Variants in FAM177A1 observed in about 807,000 individuals in gnomAD.
FAM177A1 encodes the protein protein FAM177A1.
Under a neutral mutation model 26.1 loss-of-function variants are expected in FAM177A1, and 22 were observed. The observed-to-expected ratio is 0.84, with a 90% CI of 0.60 to 1.20. The LOEUF (loss-of-function observed/expected upper bound fraction) is 1.20, where lower values mean the gene tolerates loss of function less well. Ranked by LOEUF, FAM177A1 falls within the 50% of genes most tolerant of loss-of-function variation. The probability of loss-of-function intolerance (pLI) is 0.00; values close to 1 mark genes in which losing one functional copy is unlikely to be tolerated. For synonymous variants in FAM177A1, 95 were observed against 99.3 expected (o/e 0.96, Z 0.26); for missense variants, 296 against 291.1 (o/e 1.02, Z -0.12).
At chr14:35,059,208 A>C (rs2045111225) in intron 2 of FAM177A1, among the ~76,000 whole-genome samples, 1 of 151,968 alleles carries the variant, frequency 6.6e-6, no homozygotes, top group Non-Finnish European at 1.5e-5. Context: ...TATAGGTGTG[A>C]GCCACCACGC....
rs557026747 is a variant in FAM177A1, at chr14:35,047,757, A to G, written c.165+1129A>G. Among the ~76,000 whole-genome samples, 76 of 34,268 alleles carry G rather than the reference A, an allele frequency of 2.2e-3. 1 individual carries two copies. Among genetic ancestry groups the G allele is most frequent in the East Asian group, 6.3e-3 (7 of 1,114 alleles). 22.5% of individuals were successfully genotyped at this position (34,268 alleles called of 152,430 possible). A position where few individuals can be genotyped will look rare whatever the true frequency, so the allele number is the denominator to read the frequency against. On this transcript the variant is annotated intron_variant, in intron 1 of 4. Transcript: ENST00000280987. ...AGCGAGACTCCGTCTCAAAACAGCA[A>G]CAACAACAACAACAACAACAACAAC...
intron 1 of FAM177A1, chr14:35,050,492 A>G (rs1195516481): frequency 1.3e-5 from 2 of 152,280 alleles, no homozygotes; most frequent in South Asian, 2.1e-4. Flanking sequence ...TAGAGGTTGG[A>G]ATCATTATCC....
chr14:35,073,410 A>G (rs1041254768), intron 2 of FAM177A1, among the ~76,000 whole-genome samples: 18 of 152,200 alleles, frequency 1.2e-4, no homozygotes, highest in Admixed American at 4.6e-4. Context: ...TCCATAGAGT[A>G]CTGTGTGTAA....
rs2045437594 is a variant in FAM177A1 at position 35,078,944 on chromosome 14, G to A, written c.424G>A (p.Glu142Lys). The A allele has an allele frequency of 6.5e-7, 1 of 1,542,356 alleles. No homozygotes were observed. The highest frequency in any genetic ancestry group is 1.4e-5 in the African/African-American group (1 of 69,780). ...ATTTTCAGTGTGTGACTTCCTTGGAGAGAAGATTGCATCTGTTTTGGGTAT... is the reference window on the plus strand; with the variant it reads ...ATTTTCAGTGTGTGACTTCCTTGGAAAGAAGATTGCATCTGTTTTGGGTAT... ...STLSVCDFLG[E>K]KIASVLGIST... Residue 142 changes from glutamate (E) to lysine (K), a missense_variant, in exon 4 of 5, where the codon GAG (glutamate) becomes AAG (lysine). Coordinates refer to ENST00000280987, the MANE Select transcript of FAM177A1 (RefSeq NM_173607.5).
At chr14:35,061,736 A>G (rs2045161656) in intron 2 of FAM177A1, among the ~76,000 whole-genome samples, 1 of 151,324 alleles carries the variant, frequency 6.6e-6, no homozygotes, top group Non-Finnish European at 1.5e-5. Flanking sequence ...CACATTGTGC[A>G]CATGTACCCT....
chr14:35,074,929 C>T (rs867078217), intron 2 of FAM177A1, among the ~76,000 whole-genome samples: 3 of 151,864 alleles, frequency 2.0e-5, no homozygotes, highest in Non-Finnish European at 2.9e-5. Flanking sequence ...CCCAGCTACT[C>T]GTGAGGCTGA....
upstream of FAM177A1, chr14:35,045,242 A>T (rs1402981660): frequency 1.3e-5 from 2 of 152,236 alleles, no homozygotes; most frequent in East Asian, 1.9e-4. Context: ...TTTTATTACC[A>T]GGATAGAGAG....
At position 35,064,247 on chromosome 14, in the gene FAM177A1, C is replaced by T. The variant is rs1030293631; in HGVS notation, c.339+10796C>T. On this transcript the variant is annotated intron_variant, in intron 2 of 4. Transcript: ENST00000280987. ...ACTAAAAATACAAAAATTAGCTGGG[C>T]GTGGTAGCATGCACCTGTAATACCA... Among the ~76,000 whole-genome samples the T allele has an allele frequency of 1.7e-4, 26 of 151,684 alleles. 1 individual carries two copies. The South Asian group carries it at 3.1e-3, about 18-fold the overall frequency.
At chr14:35,068,218 A>G (rs900595064) in intron 2 of FAM177A1, among the ~76,000 whole-genome samples, 8 of 152,190 alleles carry the variant, frequency 5.3e-5, no homozygotes, top group African/African-American at 1.9e-4. Flanking sequence ...TTATTGTGTA[A>G]GTAGAAAATC....
In FAM177A1 at chr14:35,077,140, C is replaced by A; in HGVS notation, c.340-10C>A. 1 of 1,610,058 alleles carries A rather than the reference C, an allele frequency of 6.2e-7. No individual in the cohort carries two copies. Among genetic ancestry groups the A allele is most frequent in the Non-Finnish European group, 8.5e-7 (1 of 1,176,402 alleles). ...GGTATGAATGTTGCTAACATGATTT[C>A]TTGTTGCAGACAAAACTTACCTGGG... On this transcript the variant is annotated splice_polypyrimidine_tract_variant and intron_variant, in intron 2 of 4. Transcript: ENST00000280987.
At chr14:35,065,532 C>T (rs1412506768) in intron 2 of FAM177A1, among the ~76,000 whole-genome samples, 1 of 151,700 alleles carries the variant, frequency 6.6e-6, no homozygotes, top group East Asian at 1.9e-4. Context: ...TATTTGATTA[C>T]TTTTTGAATC....
chr14:35,055,203 T>C (rs138406724), intron 2 of FAM177A1, among the ~76,000 whole-genome samples: 26,625 of 149,952 alleles, frequency 0.18, 2,503 homozygotes, highest in East Asian at 0.36. Flanking sequence ...CTCAGGAGGC[T>C]GAGGCAGGAG....
chr14:35,063,294 C>T (rs1317341144), intron 2 of FAM177A1, among the ~76,000 whole-genome samples: 1 of 146,434 alleles, frequency 6.8e-6, no homozygotes, highest in Middle Eastern at 3.3e-3. Flanking sequence ...CCTTTGGGGC[C>T]AGGCATGGTG....
intron 2 of FAM177A1, among the ~76,000 whole-genome samples, chr14:35,058,962 G>A (rs1185175372): frequency 1.3e-5 from 2 of 151,926 alleles, no homozygotes; most frequent in Admixed American, 1.3e-4. Flanking sequence ...TTTTGGGACG[G>A]AGTCACTCTG....
chr14:35,048,888 A>G (rs1398580198), intron 1 of FAM177A1, among the ~76,000 whole-genome samples: 1 of 148,128 alleles, frequency 6.8e-6, no homozygotes, highest in Non-Finnish European at 1.5e-5. Flanking sequence ...CTGTTGTGAC[A>G]TTCTTTTTTT....
chr14:35,053,255 T>G, intron 1 of FAM177A1, 23 bp from the exon 2 acceptor site: 2 of 1,582,250 alleles, frequency 1.3e-6, no homozygotes, highest in Non-Finnish European at 1.7e-6. Flanking sequence ...GAAACTCATT[T>G]TCTTAAAATA....
chr14:35,076,012 A>G (rs945163465), intron 2 of FAM177A1, among the ~76,000 whole-genome samples: 4 of 152,356 alleles, frequency 2.6e-5, no homozygotes, highest in Non-Finnish European at 4.4e-5. Context: ...AACTAGTTCA[A>G]CCATTGTGGA....
intron 2 of FAM177A1, among the ~76,000 whole-genome samples, chr14:35,067,723 A>C (rs895014343): frequency 1.3e-5 from 2 of 152,146 alleles, no homozygotes; most frequent in African/African-American, 4.8e-5. Flanking sequence ...ATCCATTTTG[A>C]CAGGTATGTG....
chr14:35,080,979 C>CT (rs751706767), intron 4 of FAM177A1, 43 bp from the exon 5 acceptor site: 1 of 1,474,458 alleles, frequency 6.8e-7, no homozygotes, highest in Admixed American at 2.3e-5. Context: ...ACCTTTTGGA[C>CT]TTTCGTATTT....
Sources: allele counts gnomAD v4.1 joint callset (sites outside exome capture counted in the v4.1 genomes callset), GRCh38; gene constraint gnomAD v4.1.1; transcripts MANE v1.5; gene names NCBI Gene and HGNC (gene_info 2026-07-23, HGNC 2026-07-21).